Variants in RGL1 observed in about 807,000 individuals in gnomAD.
RGL1 encodes the protein ral guanine nucleotide dissociation stimulator like 1, also known as ral guanine nucleotide dissociation stimulator-like 1.
In RGL1, 24 loss-of-function variants were observed where a neutral mutation model predicts 95.2. The ratio of observed to expected loss-of-function variants is 0.25; its 90% CI spans 0.18 to 0.35. The LOEUF (loss-of-function observed/expected upper bound fraction) is 0.35. Among genes scored for constraint, RGL1 ranks in the 10% least tolerant of loss-of-function variants. The pLI, the probability that RGL1 is intolerant of heterozygous loss-of-function variation, is 1.00. For synonymous variants in RGL1, 329 were observed against 344.9 expected (o/e 0.95, Z 0.51); for missense variants, 715 against 936.3 (o/e 0.76, Z 3.08).
At chr1:183,672,976 G>C (rs1039067533) in intron 1 of RGL1, among the ~76,000 whole-genome samples, 2 of 152,184 alleles carry the variant, frequency 1.3e-5, no homozygotes, top group Non-Finnish European at 2.9e-5. Context: ...ATGGTAGTTT[G>C]CTGCACAGAT....
In RGL1 at chr1:183,928,432, G is replaced by T. The variant is rs1277696481; in HGVS notation, c.*2140G>T. On this transcript the variant is annotated 3_prime_UTR_variant, in exon 18 of 18. Coordinates refer to ENST00000360851, the MANE Select transcript of RGL1 (RefSeq NM_001297671.3). ...AGCCGGGTAATGCTTTTAGCTGCTCGCATGCTTGTCTTTCTGCATCTCCAT... is the reference window on the plus strand; with the variant it reads ...AGCCGGGTAATGCTTTTAGCTGCTCTCATGCTTGTCTTTCTGCATCTCCAT... The T allele has an allele frequency of 6.6e-6, 1 of 152,468 alleles. No homozygotes were observed. The allele number at this position is 152,468 out of a possible 1,614,324, so 9.4% of individuals were successfully genotyped here. A position where few individuals can be genotyped will look rare whatever the true frequency, so the allele number is the denominator to read the frequency against.
chr1:183,828,469 G>T (rs1663030979), intron 2 of RGL1, among the ~76,000 whole-genome samples: 1 of 152,176 alleles, frequency 6.6e-6, no homozygotes, highest in Non-Finnish European at 1.5e-5. Flanking sequence ...GATGTCTTCA[G>T]TGAGCAAATG....
intron 3 of RGL1, among the ~76,000 whole-genome samples, chr1:183,860,128 A>G (rs1665416307): frequency 6.6e-6 from 1 of 152,106 alleles, no homozygotes; most frequent in South Asian, 2.1e-4. Context: ...GCCAGCATTT[A>G]TTAGAAAAGA....
intron 4 of RGL1, among the ~76,000 whole-genome samples, chr1:183,877,945 C>T (rs1666603288): frequency 6.6e-6 from 1 of 152,144 alleles, no homozygotes; most frequent in Admixed American, 6.6e-5. Context: ...ATCAGAAATA[C>T]CCACACGAGC....
At position 183,731,680 on chromosome 1, in the gene RGL1, C is replaced by T. The variant is rs1572342443; in HGVS notation, c.-32-10446C>T. Among the ~76,000 whole-genome samples the T allele has an allele frequency of 3.9e-5, 6 of 152,266 alleles. No individual in the cohort carries two copies. In the South Asian group the frequency reaches 1.2e-3, roughly 32 times the overall value. On this transcript the variant is annotated intron_variant, in intron 1 of 18. Transcript: ENST00000304685. The stretch of plus-strand genomic sequence containing the variant: ...GTTCTAAGTCAGACAGATCTGTTTT[C>T]AAATTTGGACCCTGCTCTGTGACCT...
chr1:183,877,881 T>C (rs756734124), intron 4 of RGL1, among the ~76,000 whole-genome samples: 14 of 152,162 alleles, frequency 9.2e-5, no homozygotes, highest in African/African-American at 1.4e-4. Flanking sequence ...TCTTTAGAAC[T>C]CTCCTAGTTC....
intron 1 of RGL1, among the ~76,000 whole-genome samples, chr1:183,719,589 T>C (rs1432392482): frequency 6.6e-6 from 1 of 152,036 alleles, no homozygotes; most frequent in East Asian, 1.9e-4. Flanking sequence ...AAGGGTGTTC[T>C]GTAGAATGTT....
At chr1:183,882,715 A>G (rs1364488244) in intron 5 of RGL1, among the ~76,000 whole-genome samples, 1 of 152,114 alleles carries the variant, frequency 6.6e-6, no homozygotes. Context: ...AGATAACCAC[A>G]TGCTGCCCTA....
chr1:183,918,212 GGGCTGGTGCAA>G (rs1405708611), intron 16 of RGL1, among the ~76,000 whole-genome samples: 2 of 152,166 alleles, frequency 1.3e-5, no homozygotes, highest in Non-Finnish European at 2.9e-5. Flanking sequence ...TCAGAAACAT[GGGCTGGTGCAA>G]GGCTGGTGCT....
chr1:183,653,592 G>A (rs566300149), intron 1 of RGL1, among the ~76,000 whole-genome samples: 14 of 152,276 alleles, frequency 9.2e-5, no homozygotes, highest in Admixed American at 2.0e-4. Flanking sequence ...TGTTGCCTGC[G>A]TGGGTGCCAG....
At chr1:183,700,315 G>T (rs1654511053) in intron 1 of RGL1, among the ~76,000 whole-genome samples, 1 of 152,046 alleles carries the variant, frequency 6.6e-6, no homozygotes, top group South Asian at 2.1e-4. Flanking sequence ...ATAATGGTTG[G>T]ATTTCAACTT....
intron 1 of RGL1, among the ~76,000 whole-genome samples, chr1:183,719,170 G>A (rs1395135226): frequency 6.6e-6 from 1 of 152,176 alleles, no homozygotes; most frequent in Non-Finnish European, 1.5e-5. Context: ...CTGAACTGGA[G>A]TAGCACTTAG....
chr1:183,882,198 A>G (rs944285764), intron 5 of RGL1, among the ~76,000 whole-genome samples: 9 of 152,248 alleles, frequency 5.9e-5, no homozygotes, highest in Non-Finnish European at 1.3e-4. Flanking sequence ...AAAGCAGAAA[A>G]CAGTGAAGGC....
intron 14 of RGL1, 92 bp downstream of exon 14, chr1:183,907,193 T>G (rs187619945): frequency 1.3e-6 from 1 of 754,070 alleles, no homozygotes; most frequent in Non-Finnish European, 2.3e-6. Flanking sequence ...TGAGCCAGGG[T>G]GAAAGTGAAG....
upstream of RGL1, among the ~76,000 whole-genome samples, chr1:183,802,722 C>G (rs140732115): frequency 9.4e-4 from 142 of 151,488 alleles, no homozygotes; most frequent in African/African-American, 3.2e-3. Flanking sequence ...ATTTACAAAG[C>G]AATCCCATTT....
intron 1 of RGL1, among the ~76,000 whole-genome samples, chr1:183,687,962 G>A (rs755650346): frequency 2.7e-4 from 41 of 152,236 alleles, no homozygotes; most frequent in South Asian, 1.2e-3. Flanking sequence ...AATGGAAAAG[G>A]TATTTTGTGT....
At chr1:183,862,112 C>T (rs188028938) in intron 3 of RGL1, among the ~76,000 whole-genome samples, 367 of 152,110 alleles carry the variant, frequency 2.4e-3, no homozygotes, top group Non-Finnish European at 3.9e-3. Context: ...GGGGCTAAGA[C>T]GGGAGGATCA....
intron 2 of RGL1, among the ~76,000 whole-genome samples, chr1:183,753,497 C>A (rs1658148768): frequency 6.6e-6 from 1 of 152,168 alleles, no homozygotes; most frequent in Non-Finnish European, 1.5e-5. Flanking sequence ...CTTTATTACT[C>A]ACAGCAAGAG....
chr1:183,872,329 A>C (rs1472766243), intron 4 of RGL1, among the ~76,000 whole-genome samples: 2 of 152,190 alleles, frequency 1.3e-5, no homozygotes, highest in East Asian at 3.8e-4. Flanking sequence ...CTCTATATAT[A>C]ACTTTATTTA....
Sources: allele counts gnomAD v4.1 joint callset (sites outside exome capture counted in the v4.1 genomes callset), GRCh38; gene constraint gnomAD v4.1.1; transcripts MANE v1.5; gene names NCBI Gene and HGNC (gene_info 2026-07-23, HGNC 2026-07-21).